Variants in B4GALT5 observed in about 807,000 individuals in gnomAD.
B4GALT5 encodes UDP-Gal:beta-GlcNAc beta-1,4-galactosyltransferase 5.
B4GALT5 carries 11 observed loss-of-function variants against 45.0 expected under a neutral mutation model. The ratio of observed to expected loss-of-function variants is 0.24; its 90% CI spans 0.15 to 0.40. The LOEUF is 0.40. B4GALT5 is among the 10% of genes least tolerant of loss of function. The pLI is 1.00. For synonymous variants in B4GALT5, 185 were observed against 182.9 expected (o/e 1.01, Z -0.09); for missense variants, 337 against 500.2 (o/e 0.67, Z 3.11).
intron 1 of B4GALT5, among the ~76,000 whole-genome samples, chr20:49,677,615 T>C (rs1039907840): frequency 6.6e-6 from 1 of 151,968 alleles, no homozygotes; most frequent in Non-Finnish European, 1.5e-5. Context: ...GGAAATTGAG[T>C]TTTTCTTACG....
chr20:49,649,507 G>C (rs1261443569), intron 2 of B4GALT5, among the ~76,000 whole-genome samples: 1 of 152,094 alleles, frequency 6.6e-6, no homozygotes, highest in Admixed American at 6.6e-5. Flanking sequence ...CTGAGCCTGG[G>C]AGGTCGAGGT....
At chr20:49,664,510 C>A (rs2085680735) in intron 1 of B4GALT5, among the ~76,000 whole-genome samples, 1 of 146,272 alleles carries the variant, frequency 6.8e-6, no homozygotes, top group African/African-American at 2.5e-5. Context: ...GGATATTCTA[C>A]AAAATAACTG....
chr20:49,691,264 C>A (rs1162565144), intron 1 of B4GALT5, among the ~76,000 whole-genome samples: 1 of 152,168 alleles, frequency 6.6e-6, no homozygotes, highest in Non-Finnish European at 1.5e-5. Flanking sequence ...CGCCTGTAAT[C>A]CCAACACTTT....
chr20:49,713,010 G>A (rs1386110775), intron 1 of B4GALT5, among the ~76,000 whole-genome samples: 2 of 151,400 alleles, frequency 1.3e-5, no homozygotes, highest in Non-Finnish European at 1.5e-5. Context: ...ATGTAATAGG[G>A]GAAGTAGAGG....
chr20:49,679,780 C>T (rs1481998411), intron 1 of B4GALT5, among the ~76,000 whole-genome samples: 1 of 152,130 alleles, frequency 6.6e-6, no homozygotes, highest in Non-Finnish European at 1.5e-5. Context: ...TTTCCTTTAA[C>T]ACATATTGCT....
intron 4 of B4GALT5, among the ~76,000 whole-genome samples, chr20:49,642,971 T>G (rs1369191782): frequency 6.6e-6 from 1 of 152,232 alleles, no homozygotes; most frequent in Admixed American, 6.5e-5. Flanking sequence ...TTCCCAGCGA[T>G]GGGCTGGATA....
chr20:49,701,511 T>G (rs1020863066), intron 1 of B4GALT5, among the ~76,000 whole-genome samples: 5 of 152,292 alleles, frequency 3.3e-5, no homozygotes, highest in Admixed American at 3.3e-4. Flanking sequence ...ATCACGCCCC[T>G]CCTAGTCATC....
At chr20:49,692,886 C>T (rs767453028) in intron 1 of B4GALT5, among the ~76,000 whole-genome samples, 2 of 152,130 alleles carry the variant, frequency 1.3e-5, no homozygotes, top group Non-Finnish European at 2.9e-5. Context: ...AGTCATGTGC[C>T]GCATAATGAC....
chr20:49,692,528 T>C (rs779776541), intron 1 of B4GALT5, among the ~76,000 whole-genome samples: 1 of 152,196 alleles, frequency 6.6e-6, no homozygotes, highest in Non-Finnish European at 1.5e-5. Context: ...CATCATCCAA[T>C]GCCAACTTTA....
At chr20:49,684,946 A>G (rs2085779440) in intron 1 of B4GALT5, among the ~76,000 whole-genome samples, 1 of 152,256 alleles carries the variant, frequency 6.6e-6, no homozygotes. Context: ...TATTATTTGT[A>G]TAAGCCTTTC....
At chr20:49,704,684 A>T (rs2085876969) in intron 1 of B4GALT5, among the ~76,000 whole-genome samples, 1 of 150,058 alleles carries the variant, frequency 6.7e-6, no homozygotes, top group Non-Finnish European at 1.5e-5. Flanking sequence ...CCGCCACTGC[A>T]CTCCAGCCTG....
intron 1 of B4GALT5, among the ~76,000 whole-genome samples, chr20:49,694,407 T>C (rs2146356133): frequency 6.6e-6 from 1 of 152,152 alleles, no homozygotes; most frequent in East Asian, 1.9e-4. Context: ...ACCCCAGCAC[T>C]CTGGGAGGGC....
At chr20:49,706,027 A>C (rs1277483135) in intron 1 of B4GALT5, among the ~76,000 whole-genome samples, 3 of 140,502 alleles carry the variant, frequency 2.1e-5, no homozygotes, top group South Asian at 2.1e-4. Flanking sequence ...TAAAAATACA[A>C]AAAAAAAAAA....
intron 1 of B4GALT5, among the ~76,000 whole-genome samples, chr20:49,702,912 G>A (rs1008938737): frequency 7.9e-5 from 12 of 151,836 alleles, no homozygotes; most frequent in Non-Finnish European, 1.2e-4. Context: ...GGTGGCTCAC[G>A]CCTGTAATGT....
chr20:49,664,466 ACAC>A (rs2085680397), intron 1 of B4GALT5, among the ~76,000 whole-genome samples: 2 of 146,850 alleles, frequency 1.4e-5, no homozygotes, highest in Admixed American at 6.9e-5. Context: ...ACACACACAC[ACAC>A]ACTTTAGATT....
chr20:49,672,552 TGACA>T (rs151290699), intron 1 of B4GALT5, among the ~76,000 whole-genome samples: 16,098 of 152,198 alleles, frequency 0.11, 929 homozygotes, highest in Admixed American at 0.14. Context: ...TCATCTATTA[TGACA>T]GACAGACTCT....
chr20:49,688,121 C>A (rs1185575498), intron 1 of B4GALT5, among the ~76,000 whole-genome samples: 1 of 152,110 alleles, frequency 6.6e-6, no homozygotes, highest in Non-Finnish European at 1.5e-5. Context: ...ACCAGCAGAG[C>A]TCATGGTAAT....
intron 1 of B4GALT5, among the ~76,000 whole-genome samples, chr20:49,688,868 C>G (rs978281502): frequency 6.9e-6 from 1 of 143,976 alleles, no homozygotes; most frequent in African/African-American, 2.6e-5. Flanking sequence ...GTCCGGGAGG[C>G]AGAGGTGGCA....
At chr20:49,669,591 G>A (rs1279952207) in intron 1 of B4GALT5, among the ~76,000 whole-genome samples, 1 of 151,706 alleles carries the variant, frequency 6.6e-6, no homozygotes, top group Non-Finnish European at 1.5e-5. Context: ...AGTTACTCGG[G>A]AGGCTGAGAA....
Sources: gnomAD v4.1 joint callset for allele counts (sites outside exome capture counted in the v4.1 genomes callset) on GRCh38, gnomAD v4.1.1 for gene constraint, MANE v1.5 for transcripts, NCBI Gene and HGNC (gene_info 2026-07-23, HGNC 2026-07-21) for gene names.